The following FRMD6 variants were observed in gnomAD, a reference collection of about 807,000 sequenced individuals.
FRMD6 encodes FERM domain containing 6.
Under a neutral mutation model 73.2 loss-of-function variants are expected in FRMD6, and 37 were observed. The ratio of observed to expected loss-of-function variants is 0.51; its 90% CI spans 0.39 to 0.66. FRMD6 has a LOEUF of 0.66. Ranked by LOEUF, FRMD6 falls within the 30% of genes least tolerant of loss-of-function variation. The probability of loss-of-function intolerance (pLI) is 0.00; values close to 1 mark genes in which losing one functional copy is unlikely to be tolerated. For missense variants in FRMD6, 714 were observed against 780.5 expected (o/e 0.91, Z 1.02); for synonymous variants, 273 against 282.2 (o/e 0.97, Z 0.33).
chr14:51,665,417 TC>T (rs1456389854), intron 1 of FRMD6, among the ~76,000 whole-genome samples: 5 of 152,182 alleles, frequency 3.3e-5, no homozygotes, highest in African/African-American at 4.8e-5. Flanking sequence ...TATTTTTTTT[TC>T]TCAGAGTTCC....
chr14:51,621,105 G>A (rs932602452), intron 2 of FRMD6, among the ~76,000 whole-genome samples: 10 of 152,050 alleles, frequency 6.6e-5, no homozygotes, highest in African/African-American at 1.7e-4. Flanking sequence ...CACTGTTTAT[G>A]TGCCCAAATC....
At chr14:51,484,619 AAAG>A (rs2140148282), upstream of FRMD6, among the ~76,000 whole-genome samples, 1 of 152,352 alleles carries the variant, frequency 6.6e-6, no homozygotes, top group South Asian at 2.1e-4. Context: ...AAGCAGCAGG[AAAG>A]ATAGTCCCTC....
the FRMD6 span, among the ~76,000 whole-genome samples, chr14:51,442,369 A>G: frequency 2.6e-5 from 4 of 151,720 alleles, no homozygotes; most frequent in Non-Finnish European, 5.9e-5. Context: ...ATACACATGT[A>G]CTCCCACCCC....
chr14:51,611,720 A>G (rs538642376), intron 2 of FRMD6, among the ~76,000 whole-genome samples: 17 of 152,348 alleles, frequency 1.1e-4, no homozygotes, highest in Admixed American at 3.3e-4. Flanking sequence ...TACGCATAGC[A>G]CTAGAGATCT....
intron 2 of FRMD6, among the ~76,000 whole-genome samples, chr14:51,629,622 G>A (rs1891261383): frequency 6.6e-6 from 1 of 152,174 alleles, no homozygotes; most frequent in African/African-American, 2.4e-5. Flanking sequence ...ACCCTTTGAT[G>A]TCTTTAGAAG....
At chr14:51,404,952 G>T in the FRMD6 span, among the ~76,000 whole-genome samples, 2 of 152,016 alleles carry the variant, frequency 1.3e-5, no homozygotes, top group Non-Finnish European at 2.9e-5. Flanking sequence ...GTAGGCCCCA[G>T]TGTCTGTTGT....
At chr14:51,585,199 C>G (rs1888957334) in intron 2 of FRMD6, among the ~76,000 whole-genome samples, 2 of 152,094 alleles carry the variant, frequency 1.3e-5, no homozygotes, top group South Asian at 4.2e-4. Flanking sequence ...TATTTTCGCC[C>G]CTAGAAGCTC....
At chr14:51,454,693 GA>G in the FRMD6 span, 1 of 152,212 alleles carries the variant, frequency 6.6e-6, no homozygotes, top group Non-Finnish European at 1.5e-5. Context: ...TTTTGTTCAC[GA>G]ATTCTTCTTG....
chr14:51,474,737 A>G, the FRMD6 span, among the ~76,000 whole-genome samples: 2 of 152,206 alleles, frequency 1.3e-5, no homozygotes, highest in South Asian at 4.1e-4. Flanking sequence ...TTGAATGTGA[A>G]GGCAATGGGG....
chr14:51,466,793 A>G, the FRMD6 span, among the ~76,000 whole-genome samples: 1 of 152,224 alleles, frequency 6.6e-6, no homozygotes, highest in Non-Finnish European at 1.5e-5. Context: ...GGATTTTGAT[A>G]AGGATTACAT....
At chr14:51,638,841 A>C (rs1309674360) in intron 2 of FRMD6, among the ~76,000 whole-genome samples, 1 of 152,200 alleles carries the variant, frequency 6.6e-6, no homozygotes, top group Non-Finnish European at 1.5e-5. Flanking sequence ...AAATGACCTC[A>C]CATAATTCCT....
chr14:51,509,680 G>T (rs1298938193), intron 1 of FRMD6, among the ~76,000 whole-genome samples: 1 of 152,088 alleles, frequency 6.6e-6, no homozygotes, highest in Non-Finnish European at 1.5e-5. Flanking sequence ...AGGCTAGAGT[G>T]CAGTGGTGCG....
intron 1 of FRMD6, among the ~76,000 whole-genome samples, chr14:51,495,949 T>C (rs926713804): frequency 9.9e-5 from 15 of 152,220 alleles, no homozygotes; most frequent in African/African-American, 1.4e-4. Context: ...CCCCTAATGA[T>C]GATATTAGTA....
intron 1 of FRMD6, among the ~76,000 whole-genome samples, chr14:51,564,203 T>C (rs943017916): frequency 3.3e-5 from 5 of 152,222 alleles, no homozygotes; most frequent in African/African-American, 4.8e-5. Flanking sequence ...ACAGTACTTA[T>C]ATTTGTCGTT....
intron 2 of FRMD6, among the ~76,000 whole-genome samples, chr14:51,597,006 A>T (rs1182987874): frequency 6.6e-6 from 1 of 152,226 alleles, no homozygotes; most frequent in African/African-American, 2.4e-5. Flanking sequence ...TCATTTTATA[A>T]ATATGCAATT....
intron 11 of FRMD6, among the ~76,000 whole-genome samples, chr14:51,721,630 A>AGAGG (rs1425388231): frequency 3.4e-5 from 3 of 87,878 alleles, no homozygotes; most frequent in Non-Finnish European, 2.4e-5. Context: ...AGAAAGAAAG[A>AGAGG]GAGGGAGGGA....
At chr14:51,701,623 GA>G (rs1326996686) in intron 4 of FRMD6, among the ~76,000 whole-genome samples, 3 of 147,628 alleles carry the variant, frequency 2.0e-5, no homozygotes, top group Non-Finnish European at 4.5e-5. Context: ...TAAAAAATGG[GA>G]AAAGAAACTT....
chr14:51,555,656 G>C (rs1369903089), intron 1 of FRMD6, among the ~76,000 whole-genome samples: 1 of 152,074 alleles, frequency 6.6e-6, no homozygotes, highest in Non-Finnish European at 1.5e-5. Flanking sequence ...CACAAAATTA[G>C]CTGAGCATGG....
chr14:51,600,004 C>T lies in FRMD6; in HGVS notation c.-147+29594C>T, dbSNP rs1189480843. ...CAACCACAGCACAGACTCCTGACTACTCCCACCCAAAAAGAGTTGTTGGAA... is the reference window on the plus strand; with the variant it reads ...CAACCACAGCACAGACTCCTGACTATTCCCACCCAAAAAGAGTTGTTGGAA... On this transcript the variant is annotated intron_variant, in intron 2 of 14. Coordinates refer to the FRMD6 transcript ENST00000356218. The T allele has an allele frequency of 4.0e-5, 6 of 151,366 alleles. No individual in the cohort carries two copies. The Admixed American group carries it at 4.0e-4, about 10-fold the overall frequency. 9.4% of individuals were successfully genotyped at this position (151,366 alleles called of 1,614,324 possible). A position where few individuals can be genotyped will look rare whatever the true frequency, so the allele number is the denominator to read the frequency against.
Sources: allele counts gnomAD v4.1 joint callset (sites outside exome capture counted in the v4.1 genomes callset), GRCh38; gene constraint gnomAD v4.1.1; transcripts MANE v1.5; gene names NCBI Gene and HGNC (gene_info 2026-07-23, HGNC 2026-07-21).